Variants in RFK observed in about 807,000 individuals in gnomAD.
The protein encoded by RFK is riboflavin kinase, also known as 0610038L10Rik.
Under a neutral mutation model 17.6 loss-of-function variants are expected in RFK, and 4 were observed. The observed-to-expected ratio is 0.23, with a 90% CI of 0.11 to 0.52. The LOEUF (loss-of-function observed/expected upper bound fraction) is 0.52, where lower values mean the gene tolerates loss of function less well. Ranked by LOEUF, RFK falls within the 20% of genes least tolerant of loss-of-function variation. The probability of loss-of-function intolerance (pLI) is 0.96; values close to 1 mark genes in which losing one functional copy is unlikely to be tolerated. For missense variants in RFK, 189 were observed against 187.7 expected (o/e 1.01, Z -0.04); for synonymous variants, 59 against 63.8 (o/e 0.92, Z 0.36).
chr9:76,392,178 T>TAA (rs1368069693), intron 2 of RFK, among the ~76,000 whole-genome samples: 1 of 152,026 alleles, frequency 6.6e-6, no homozygotes, highest in Non-Finnish European at 1.5e-5. Flanking sequence ...ATGAGGGACA[T>TAA]AAAAGTTATA....
At chr9:76,387,756 T>A (rs1334477519) in intron 3 of RFK, 4 of 377,178 alleles carry the variant, frequency 1.1e-5, no homozygotes, top group Middle Eastern at 7.5e-4. Flanking sequence ...TCCCAGCACT[T>A]TGGGAAGCTG....
intron 2 of RFK, among the ~76,000 whole-genome samples, chr9:76,390,449 A>C (rs1367794837): frequency 1.3e-5 from 2 of 152,162 alleles, no homozygotes; most frequent in Admixed American, 1.3e-4. Flanking sequence ...GGACTGCTTG[A>C]GCCCAAAAGT....
At chr9:76,389,524 C>T (rs1396323857) in intron 2 of RFK, among the ~76,000 whole-genome samples, 2 of 152,078 alleles carry the variant, frequency 1.3e-5, no homozygotes, top group Non-Finnish European at 2.9e-5. Flanking sequence ...CTTTGGGAGG[C>T]GGAGCCAGGA....
intron 3 of RFK, 48 bp downstream of exon 3, chr9:76,388,506 C>A: frequency 8.9e-7 from 1 of 1,122,890 alleles, no homozygotes; most frequent in Admixed American, 1.7e-5. Context: ...GGTAGAGTTA[C>A]CTGTGGTAGC....
rs775804029 is a variant in RFK, at chr9:76,386,163, G to C, written c.*1236C>G. On this transcript the variant is annotated 3_prime_UTR_variant, in exon 4 of 4. Transcript: ENST00000376736. ...AATGTACTGTTTGAGGGGGCCCAAAGCATCTGTAATCTTAATTTCCCACAT... is the reference window on the plus strand; with the variant it reads ...AATGTACTGTTTGAGGGGGCCCAAACCATCTGTAATCTTAATTTCCCACAT... 2 of 152,094 alleles carry C rather than the reference G, an allele frequency of 1.3e-5. No individual in the cohort carries two copies. Among genetic ancestry groups the C allele is most frequent in the Non-Finnish European group, 2.9e-5 (2 of 68,026 alleles). 9.4% of individuals were successfully genotyped at this position (152,094 alleles called of 1,614,324 possible). A position where few individuals can be genotyped will look rare whatever the true frequency, so the allele number is the denominator to read the frequency against.
chr9:76,391,210 G>A (rs1316604696), intron 2 of RFK, among the ~76,000 whole-genome samples: 1 of 152,148 alleles, frequency 6.6e-6, no homozygotes, highest in Non-Finnish European at 1.5e-5. Context: ...CATTACTATT[G>A]CTTACGCCAG....
At chr9:76,390,724 A>AC (rs1822807763) in intron 2 of RFK, among the ~76,000 whole-genome samples, 1 of 102,436 alleles carries the variant, frequency 9.8e-6, no homozygotes, top group Non-Finnish European at 2.4e-5. Flanking sequence ...AAAAAAAAAA[A>AC]ACCACACACA....
intron 1 of RFK, among the ~76,000 whole-genome samples, chr9:76,392,882 T>G (rs1760195955): frequency 6.6e-6 from 1 of 152,138 alleles, no homozygotes; most frequent in African/African-American, 2.4e-5. Flanking sequence ...CCAGCCTGAG[T>G]GGCAGAGCCA....
At chr9:76,392,360 A>G in intron 2 of RFK, 58 bp downstream of exon 2, 1 of 1,552,284 alleles carries the variant, frequency 6.4e-7, no homozygotes, top group East Asian at 2.2e-5. Flanking sequence ...GAATACTGTA[A>G]TATATTATTC....
chr9:76,391,828 TGGA>T (rs1414387168), intron 2 of RFK, among the ~76,000 whole-genome samples: 1 of 152,060 alleles, frequency 6.6e-6, no homozygotes, highest in Admixed American at 6.6e-5. Context: ...CTCTGGAGGC[TGGA>T]GGAGGATTAC....
Position 76,392,401 on chromosome 9 carries a change from C to G in RFK, c.234+17G>C. 1 of 1,612,866 alleles carries G rather than the reference C, an allele frequency of 6.2e-7. No individual in the cohort carries two copies. Among genetic ancestry groups the G allele is most frequent in the Non-Finnish European group, 8.5e-7 (1 of 1,179,300 alleles). On this transcript the variant is annotated intron_variant, in intron 2 of 3. Coordinates refer to ENST00000376736, the MANE Select transcript of RFK (RefSeq NM_018339.6). ...CATCATACCATTTTCGGTTACAGAG[C>G]AAAATATAATGCTTACCATAGACTT...
intron 2 of RFK, among the ~76,000 whole-genome samples, 170 bp from the exon 3 acceptor site, chr9:76,388,826 A>T (rs1472828435): frequency 1.3e-5 from 2 of 152,076 alleles, no homozygotes; most frequent in Non-Finnish European, 2.9e-5. Context: ...TTTTCCCAGC[A>T]CTCCTGTTTG....
Position 76,386,843 on chromosome 9 carries a change from T to C in RFK, c.*556A>G, listed in dbSNP as rs1224485454. Reference sequence around the variant, plus strand: ...TCTTCCCCGCAGGTTTATGATAAACTATCAACCTTCTATTTAATGCATTTC... The same window carrying C: ...TCTTCCCCGCAGGTTTATGATAAACCATCAACCTTCTATTTAATGCATTTC... On this transcript the variant is annotated 3_prime_UTR_variant, in exon 4 of 4. Coordinates refer to ENST00000376736, the MANE Select transcript of RFK (RefSeq NM_018339.6). 1 of 152,162 alleles carries C rather than the reference T, an allele frequency of 6.6e-6. No individual in the cohort carries two copies. The highest frequency in any genetic ancestry group is 1.5e-5 in the Non-Finnish European group (1 of 68,036). 9.4% of individuals were successfully genotyped at this position (152,162 alleles called of 1,614,324 possible).
At chr9:76,393,185 T>C (rs1304494462) in intron 1 of RFK, among the ~76,000 whole-genome samples, 2 of 150,762 alleles carry the variant, frequency 1.3e-5, no homozygotes. Flanking sequence ...AACCAGGTAC[T>C]GAATCACCTG....
In RFK at chr9:76,394,214, G is replaced by A. The variant is rs751612037; in HGVS notation, c.-43C>T. 3 of 1,545,488 alleles carry A rather than the reference G, an allele frequency of 1.9e-6. No homozygotes were observed. Among genetic ancestry groups the A allele is most frequent in the Non-Finnish European group, 2.6e-6 (3 of 1,145,212 alleles). On this transcript the variant is annotated 5_prime_UTR_variant, in exon 1 of 4. The change creates a new upstream start codon in the 5' untranslated region. Coordinates refer to ENST00000376736, the MANE Select transcript of RFK (RefSeq NM_018339.6). ...GAATGGGCTGCGGCCCGGTCTGCGC[G>A]TCCTGCGGAGCCGCCGTCGACGCGG...
intron 1 of RFK, chr9:76,393,583 A>T (rs1310895653): frequency 6.5e-6 from 1 of 153,076 alleles, no homozygotes; most frequent in African/African-American, 2.4e-5. Flanking sequence ...ATGTATTTCT[A>T]AGGATGAATT....
At chr9:76,388,701 T>C in intron 2 of RFK, 45 bp from the exon 3 acceptor site, 5 of 1,092,110 alleles carry the variant, frequency 4.6e-6, no homozygotes, top group Non-Finnish European at 6.9e-6. Context: ...GACTACAGTG[T>C]ACTGAAATCT....
chr9:76,394,279 C>A lies in RFK; in HGVS notation c.-108G>T. On this transcript the variant is annotated 5_prime_UTR_variant, in exon 1 of 4. Transcript: ENST00000376736. ...ACCAGCCGGGGGACAGGAGCGTGAGCTCTGCCTGCCGCGGGGGCGCACCAG... is the reference window on the plus strand; with the variant it reads ...ACCAGCCGGGGGACAGGAGCGTGAGATCTGCCTGCCGCGGGGGCGCACCAG... The A allele has an allele frequency of 9.0e-7, 1 of 1,115,404 alleles. No homozygotes were observed. The highest frequency in any genetic ancestry group is 1.6e-5 in the South Asian group (1 of 61,218). The allele number at this position is 1,115,404 out of a possible 1,614,324, so 69.1% of individuals were successfully genotyped here.
At chr9:76,388,218 T>C (rs1564209212) in intron 3 of RFK, 1 of 483,004 alleles carries the variant, frequency 2.1e-6, no homozygotes, top group Non-Finnish European at 4.1e-6. Context: ...TGATTTACTA[T>C]ATCTCAAACT....
Sources: allele counts gnomAD v4.1 joint callset (sites outside exome capture counted in the v4.1 genomes callset), GRCh38; gene constraint gnomAD v4.1.1; transcripts MANE v1.5; gene names NCBI Gene and HGNC (gene_info 2026-07-23, HGNC 2026-07-21).